The following FAM120A variants were observed in gnomAD, a reference collection of about 807,000 sequenced individuals.
FAM120A encodes family with sequence similarity 120 member A, also known as constitutive coactivator of PPAR-gamma-like protein 1.
A neutral mutation model predicts 109.7 loss-of-function variants in FAM120A; 15 were observed. The ratio of observed to expected loss-of-function variants is 0.14; its 90% CI spans 0.09 to 0.21. The LOEUF (loss-of-function observed/expected upper bound fraction) is 0.21. FAM120A is among the 10% of genes least tolerant of loss of function. The pLI is 1.00. For synonymous variants in FAM120A, 493 were observed against 572.8 expected, an observed-to-expected ratio of 0.86 and a Z score of 1.99; for missense variants, 899 against 1,439.3, an observed-to-expected ratio of 0.62 and a Z score of 6.07.
intron 3 of FAM120A, among the ~76,000 whole-genome samples, chr9:93,485,567 C>G (rs1859007306): frequency 1.3e-5 from 2 of 152,176 alleles, no homozygotes; most frequent in South Asian, 2.1e-4. Context: ...CACTGTGCTC[C>G]AGCTTGTGCG....
intron 7 of FAM120A, chr9:93,523,211 C>T: frequency 1.4e-6 from 1 of 695,202 alleles, no homozygotes. Flanking sequence ...TCTGGTATCC[C>T]AGGAAGTTTG....
chr9:93,529,973 G>A, intron 9 of FAM120A: 2 of 407,390 alleles, frequency 4.9e-6, no homozygotes, highest in Non-Finnish European at 8.8e-6. Context: ...TATCATTTGT[G>A]CTTAGAAAAT....
rs377039713 is a variant in FAM120A, at chr9:93,498,902, C to T, written c.1030+16C>T. On this transcript the variant is annotated intron_variant, in intron 5 of 17. Coordinates refer to ENST00000277165, the MANE Select transcript of FAM120A (RefSeq NM_014612.5). The surrounding 1 kb of genome is among the most constrained non-coding windows in gnomAD (Gnocchi z 4.4). ...CATTACTTAGGTAAGTAAATAAAAG[C>T]CTGTGATCAATATTGACCATATGAT... is the stretch of plus-strand genomic sequence containing the variant. The T allele has an allele frequency of 9.7e-5, 134 of 1,388,170 alleles. No homozygotes were observed. The African/African-American group carries it at 1.7e-3, about 18-fold the overall frequency. The allele number at this position is 1,388,170 out of a possible 1,614,324, so 86.0% of individuals were successfully genotyped here. A position where few individuals can be genotyped will look rare whatever the true frequency, so the allele number is the denominator to read the frequency against.
intron 3 of FAM120A, among the ~76,000 whole-genome samples, chr9:93,490,764 A>G (rs1458778282): frequency 6.6e-6 from 1 of 152,176 alleles, no homozygotes; most frequent in Non-Finnish European, 1.5e-5. Flanking sequence ...TGGATTTCAA[A>G]TGTTGTTATA....
chr9:93,514,845 C>T (rs1588867645), intron 5 of FAM120A, among the ~76,000 whole-genome samples: 1 of 152,214 alleles, frequency 6.6e-6, no homozygotes, highest in African/African-American at 2.4e-5. Context: ...TTAGTTAGGC[C>T]GCGCGAGGCC....
At chr9:93,521,823 C>T (rs888620410) in intron 7 of FAM120A, among the ~76,000 whole-genome samples, 9 of 152,212 alleles carry the variant, frequency 5.9e-5, no homozygotes, top group African/African-American at 1.9e-4. Flanking sequence ...TGCAATGGCT[C>T]ATGCCTGTAA....
At chr9:93,529,057 G>A (rs1391978629) in intron 8 of FAM120A, among the ~76,000 whole-genome samples, 17 of 152,180 alleles carry the variant, frequency 1.1e-4, no homozygotes, top group Admixed American at 8.5e-4. Context: ...GCACCCTGCC[G>A]TATCTGCAGA....
intron 15 of FAM120A, 54 bp downstream of exon 15, chr9:93,558,772 C>T (rs761668261): frequency 6.2e-5 from 99 of 1,594,908 alleles, no homozygotes; most frequent in Non-Finnish European, 7.5e-5. Context: ...TTCCTTCGCT[C>T]CATCGTCTGG....
intron 3 of FAM120A, among the ~76,000 whole-genome samples, chr9:93,486,325 G>A (rs1256605675): frequency 1.3e-5 from 2 of 151,610 alleles, no homozygotes; most frequent in Non-Finnish European, 2.9e-5. Flanking sequence ...GTGAATATAT[G>A]ACATTTTATT....
Position 93,500,573 on chromosome 9 carries a change from C to T in FAM120A, c.1030+1687C>T, listed in dbSNP as rs1859757669. 6.6e-6 allele frequency among the ~76,000 whole-genome samples: 1 copy of T among 152,220 alleles called. No homozygotes were observed. Among genetic ancestry groups the T allele is most frequent in the African/African-American group, 2.4e-5 (1 of 41,454 alleles). ...AGGGTAATGAGGGCCTATTAGTCAC[C>T]TTTACTTTTATATCCCCAGTGGATA... On this transcript the variant is annotated intron_variant, in intron 5 of 17. Transcript: ENST00000277165. This position sits in a 1 kb window ranked among gnomAD's most constrained non-coding sequence, Gnocchi z 4.6.
intron 15 of FAM120A, among the ~76,000 whole-genome samples, chr9:93,560,379 C>T (rs1290897001): frequency 1.3e-5 from 2 of 151,972 alleles, no homozygotes; most frequent in Non-Finnish European, 2.9e-5. Context: ...AAACTTCTTT[C>T]CTCTGTTTCT....
chr9:93,495,922 A>G (rs977547358), intron 3 of FAM120A, among the ~76,000 whole-genome samples: 1 of 152,258 alleles, frequency 6.6e-6, no homozygotes, highest in Non-Finnish European at 1.5e-5. Flanking sequence ...CCACTGCTTT[A>G]TCAACTAAGC....
At chr9:93,493,532 G>A (rs1041107680) in intron 3 of FAM120A, among the ~76,000 whole-genome samples, 3 of 152,222 alleles carry the variant, frequency 2.0e-5, no homozygotes, top group African/African-American at 7.2e-5. Flanking sequence ...TCAAACTTGA[G>A]TGAGAGCAGT....
intron 10 of FAM120A, among the ~76,000 whole-genome samples, chr9:93,534,105 ACGGCTGATGG>A (rs779653894): frequency 2.5e-4 from 38 of 152,266 alleles, no homozygotes; most frequent in Admixed American, 6.5e-4. Flanking sequence ...TGCAGCACGC[ACGGCTGATGG>A]TGCTTCTCAT....
chr9:93,538,838 A>G (rs1379945940), intron 10 of FAM120A, among the ~76,000 whole-genome samples: 1 of 152,134 alleles, frequency 6.6e-6, no homozygotes, highest in African/African-American at 2.4e-5. Context: ...TAAATGTGCT[A>G]CTAAAAGAAG....
At position 93,485,406 on chromosome 9, in the gene FAM120A, G is replaced by A. The variant is rs920198811; in HGVS notation, c.804+9068G>A. Among the ~76,000 whole-genome samples the A allele has an allele frequency of 3.9e-5, 6 of 152,072 alleles. No homozygotes were observed. The East Asian group carries it at 9.7e-4, about 25-fold the overall frequency. ...AGTTCAGGAGTTCGAGACCAGCCTGGGTAACATAGTGAGACCCTATCTCTA... is the reference window on the plus strand; with the variant it reads ...AGTTCAGGAGTTCGAGACCAGCCTGAGTAACATAGTGAGACCCTATCTCTA... On this transcript the variant is annotated intron_variant, in intron 3 of 17. Coordinates refer to ENST00000277165, the MANE Select transcript of FAM120A (RefSeq NM_014612.5).
chr9:93,468,503 A>G (rs1208846662), intron 1 of FAM120A, among the ~76,000 whole-genome samples: 3 of 152,168 alleles, frequency 2.0e-5, no homozygotes, highest in Admixed American at 6.5e-5. Flanking sequence ...TCAGCTTTTC[A>G]TTAGGTTTTT....
chr9:93,469,898 GA>G, intron 1 of FAM120A, among the ~76,000 whole-genome samples: 1 of 152,308 alleles, frequency 6.6e-6, no homozygotes, highest in Admixed American at 6.5e-5. Context: ...CTTTTATTAT[GA>G]AAGTTGGTGA....
At chr9:93,505,513 A>G (rs774760835) in intron 5 of FAM120A, among the ~76,000 whole-genome samples, 8 of 152,250 alleles carry the variant, frequency 5.3e-5, no homozygotes, top group Non-Finnish European at 1.0e-4. Context: ...GTGCTTTGAT[A>G]TCAGAGTTCT....
Sources: gnomAD v4.1 joint callset for allele counts (sites outside exome capture counted in the v4.1 genomes callset) on GRCh38, gnomAD v4.1.1 for gene constraint, Gnocchi (gnomAD v3.1) non-coding constraint, MANE v1.5 for transcripts, NCBI Gene and HGNC (gene_info 2026-07-23, HGNC 2026-07-21) for gene names.